The following SLC35F3 variants were observed in gnomAD, a reference collection of about 807,000 sequenced individuals.
SLC35F3 encodes the protein solute carrier family 35 member F3.
A neutral mutation model predicts 49.9 loss-of-function variants in SLC35F3; 25 were observed. The ratio of observed to expected loss-of-function variants is 0.50; its 90% CI spans 0.37 to 0.70. The LOEUF is 0.70. SLC35F3 is among the 30% of genes least tolerant of loss of function. The probability of loss-of-function intolerance (pLI) is 0.00; values close to 1 mark genes in which losing one functional copy is unlikely to be tolerated. For missense variants in SLC35F3, 525 were observed against 639.8 expected, an observed-to-expected ratio of 0.82 and a Z score of 1.94; for synonymous variants, 275 against 265.4, an observed-to-expected ratio of 1.04 and a Z score of -0.35.
Position 234,095,358 on chromosome 1 carries a change from G to T in SLC35F3, c.284-136059G>T, listed in dbSNP as rs117074794. Among the ~76,000 whole-genome samples the T allele has an allele frequency of 7.9e-5, 12 of 152,196 alleles. No individual in the cohort carries two copies. In the East Asian group the frequency reaches 2.3e-3, roughly 29 times the overall value. Reference sequence around the variant, plus strand: ...AGGGAGAGGGGCTCAGGGAGCTGGAGGTATATCCAAAAGCATGATTATAAC... The same window carrying T: ...AGGGAGAGGGGCTCAGGGAGCTGGATGTATATCCAAAAGCATGATTATAAC... On this transcript the variant is annotated intron_variant, in intron 2 of 7. Coordinates refer to ENST00000366618, the MANE Select transcript of SLC35F3 (RefSeq NM_173508.4).
intron 2 of SLC35F3, among the ~76,000 whole-genome samples, chr1:234,199,463 TATCTC>T (rs758968591): frequency 2.6e-5 from 4 of 152,160 alleles, no homozygotes; most frequent in Non-Finnish European, 4.4e-5. Flanking sequence ...AATTGGACCT[TATCTC>T]AGACATTATA....
chr1:234,145,957 A>G (rs964968502), intron 2 of SLC35F3, among the ~76,000 whole-genome samples: 5 of 152,108 alleles, frequency 3.3e-5, no homozygotes, highest in Non-Finnish European at 7.4e-5. Context: ...TTCTAACTGT[A>G]TTTGCATGCG....
chr1:234,314,762 A>AAAAC (rs923797804), intron 4 of SLC35F3, among the ~76,000 whole-genome samples: 3 of 152,200 alleles, frequency 2.0e-5, no homozygotes, highest in East Asian at 1.9e-4. Context: ...AATCCATCTC[A>AAAAC]AAACAAACAA....
rs566228043 is a variant in SLC35F3 at position 234,219,549 on chromosome 1, T to C, written c.284-11868T>C. On this transcript the variant is annotated intron_variant, in intron 2 of 7. Transcript: ENST00000366618. ...GAGGAATGTCAGAAAGGCATACCAA[T>C]AAAGAATGCATGCTGAAATGTAATG... 3.3e-4 allele frequency among the ~76,000 whole-genome samples: 51 copies of C among 152,310 alleles called. No individual in the cohort carries two copies. In the South Asian group the frequency reaches 6.8e-3, roughly 20 times the overall value.
intron 3 of SLC35F3, among the ~76,000 whole-genome samples, chr1:234,297,931 C>G (rs1276890755): frequency 6.6e-6 from 1 of 152,114 alleles, no homozygotes; most frequent in African/African-American, 2.4e-5. Context: ...GTGGCATATA[C>G]TTAAATACGT....
At chr1:233,918,872 T>C (rs1662016083) in intron 2 of SLC35F3, among the ~76,000 whole-genome samples, 1 of 151,786 alleles carries the variant, frequency 6.6e-6, no homozygotes, top group Non-Finnish European at 1.5e-5. Flanking sequence ...TTCTTGTGCT[T>C]AATAGTACTA....
At chr1:234,102,036 C>T (rs745535970) in intron 2 of SLC35F3, among the ~76,000 whole-genome samples, 1 of 152,214 alleles carries the variant, frequency 6.6e-6, no homozygotes, top group Non-Finnish European at 1.5e-5. Flanking sequence ...GAGCACAGGG[C>T]TGCCACAGCA....
chr1:233,916,682 C>T (rs984335192), intron 2 of SLC35F3, among the ~76,000 whole-genome samples: 27 of 152,270 alleles, frequency 1.8e-4, no homozygotes, highest in East Asian at 3.9e-4. Context: ...TTGTTCTATC[C>T]GCAACTGACA....
chr1:234,008,554 C>T (rs1185401110), intron 2 of SLC35F3, among the ~76,000 whole-genome samples: 1 of 152,182 alleles, frequency 6.6e-6, no homozygotes, highest in Admixed American at 6.5e-5. Context: ...ACAGAAAGTT[C>T]TTTCATAGCT....
At chr1:234,227,226 A>T (rs10910388) in intron 2 of SLC35F3, among the ~76,000 whole-genome samples, 1 of 152,172 alleles carries the variant, frequency 6.6e-6, no homozygotes, top group East Asian at 1.9e-4. Context: ...GCACAAGATG[A>T]TCATAAACAG....
At chr1:234,158,370 G>A (rs1215884613) in intron 2 of SLC35F3, among the ~76,000 whole-genome samples, 1 of 152,070 alleles carries the variant, frequency 6.6e-6, no homozygotes, top group Non-Finnish European at 1.5e-5. Context: ...CCCCAACAAT[G>A]GGATAGTTGT....
chr1:234,322,359 A>G (rs1307826022), intron 7 of SLC35F3, among the ~76,000 whole-genome samples: 1 of 152,226 alleles, frequency 6.6e-6, no homozygotes, highest in Non-Finnish European at 1.5e-5. Context: ...GTTGATTCAC[A>G]TATGTTGTAT....
chr1:233,948,854 C>A (rs1456347662), intron 2 of SLC35F3, among the ~76,000 whole-genome samples: 1 of 151,978 alleles, frequency 6.6e-6, no homozygotes, highest in Non-Finnish European at 1.5e-5. Context: ...AGAGGTAAGG[C>A]GTTTCTATGA....
At chr1:234,217,281 G>C (rs932507099) in intron 2 of SLC35F3, among the ~76,000 whole-genome samples, 2 of 152,164 alleles carry the variant, frequency 1.3e-5, no homozygotes, top group African/African-American at 4.8e-5. Context: ...AGGAAGATGG[G>C]CAAGATGACT....
intron 2 of SLC35F3, among the ~76,000 whole-genome samples, chr1:234,022,081 T>C (rs909370189): frequency 2.0e-5 from 3 of 152,190 alleles, no homozygotes; most frequent in African/African-American, 7.2e-5. Flanking sequence ...CATAAAATAA[T>C]TTACAGGCAA....
intron 2 of SLC35F3, among the ~76,000 whole-genome samples, chr1:233,911,125 G>A (rs35072903): frequency 0.094 from 14,302 of 152,224 alleles, 906 homozygotes; most frequent in Non-Finnish European, 0.14. Context: ...AGGTGAGGGG[G>A]AAGGGCTCAT....
chr1:234,124,702 A>T (rs1665622356), intron 2 of SLC35F3, among the ~76,000 whole-genome samples: 1 of 152,156 alleles, frequency 6.6e-6, no homozygotes, highest in African/African-American at 2.4e-5. Flanking sequence ...CCCCATCTCT[A>T]CGAAAAAATT....
At chr1:234,150,564 T>C (rs193183587) in intron 2 of SLC35F3, among the ~76,000 whole-genome samples, 25 of 152,302 alleles carry the variant, frequency 1.6e-4, no homozygotes, top group African/African-American at 5.8e-4. Context: ...TCATATCTTA[T>C]CTCATTGGAT....
At chr1:234,265,047 G>A (rs550545953) in intron 3 of SLC35F3, among the ~76,000 whole-genome samples, 16 of 152,154 alleles carry the variant, frequency 1.1e-4, no homozygotes, top group African/African-American at 2.7e-4. Flanking sequence ...CAGTGTCTAC[G>A]CTTGCTCGCT....
Sources: allele counts gnomAD v4.1 joint callset (sites outside exome capture counted in the v4.1 genomes callset), GRCh38; gene constraint gnomAD v4.1.1; transcripts MANE v1.5; gene names NCBI Gene and HGNC (gene_info 2026-07-23, HGNC 2026-07-21).